Variants in TRIM17 observed in about 807,000 individuals in gnomAD.
The protein encoded by TRIM17 is tripartite motif containing 17.
TRIM17 carries 27 observed loss-of-function variants against 35.8 expected under a neutral mutation model. The ratio of observed to expected loss-of-function variants is 0.75; its 90% confidence interval spans 0.56 to 1.04. The LOEUF is 1.04. Ranked by LOEUF, TRIM17 falls within the 50% of genes least tolerant of loss-of-function variation. The probability of loss-of-function intolerance (pLI) is 0.00; values close to 1 mark genes in which losing one functional copy is unlikely to be tolerated. For synonymous variants in TRIM17, 246 were observed against 252.6 expected (o/e 0.97, Z 0.25); for missense variants, 582 against 612.8 (o/e 0.95, Z 0.53).
Position 228,414,783 on chromosome 1 carries a change from T to C in TRIM17, c.290A>G (p.Asp97Gly). 1 of 1,613,088 alleles carries C rather than the reference T, an allele frequency of 6.2e-7. No homozygotes were observed. The highest frequency in any genetic ancestry group is 8.5e-7 in the Non-Finnish European group (1 of 1,180,022). The change falls in exon 2 of 7, where the codon GAC becomes GGC. Residue 97 changes from aspartate to glycine, a missense_variant. Transcript: ENST00000366698. ...GGGCTCGTGGTGCTCCTGGCACAGG[T>C]CTTGCTTCTGCAGACCAGGATGCTG... ...AQQHPGLQKQ[D>G]LCQEHHEPLK...
Position 228,409,260 on chromosome 1 carries a change from A to G in TRIM17, c.795T>C (p.Ser265=). 3 of 1,613,288 alleles carry G rather than the reference A, an allele frequency of 1.9e-6. No homozygotes were observed. The highest frequency in any genetic ancestry group is 2.5e-6 in the Non-Finnish European group (3 of 1,179,626). Residue 265 remains serine, a synonymous_variant, in exon 6 of 7, where the codon AGT becomes AGC. Coordinates refer to ENST00000366698, the MANE Select transcript of TRIM17 (RefSeq NM_016102.4). Reference sequence around the variant, plus strand: ...GGGGGGCAACCTCTGGGCACTGCACACTCACGTTGTTCTTCCTCCGGTGGG... The same window carrying G: ...GGGGGGCAACCTCTGGGCACTGCACGCTCACGTTGTTCTTCCTCCGGTGGG... ...KEPLSRKNNV[S]VQCPEVAPPT... is the part of the protein sequence containing the mutation.
rs1656558706 is a variant in TRIM17, at chr1:228,408,379, C to T, written c.1256G>A (p.Gly419Asp). 1.2e-6 allele frequency: 2 copies of T among 1,614,036 alleles called. No homozygotes were observed. Among genetic ancestry groups the T allele is most frequent in the Non-Finnish European group, 8.5e-7 (1 of 1,180,004 alleles). The change falls in exon 7 of 7, where the codon GGC becomes GAC. Residue 419 changes from glycine (G) to aspartate (D), a missense_variant. Physicochemically the swap from Gly to Asp is moderately conservative, Grantham distance 94. Transcript: ENST00000366698. This position sits in a 1 kb window ranked among gnomAD's most constrained non-coding sequence, Gnocchi z 6.3. ...VMLMEPPSHMGIFLDFEAGEV... is the reference protein window; with the variant it reads ...VMLMEPPSHMDIFLDFEAGEV... The stretch of plus-strand genomic sequence containing the variant: ...CCCGGCTTCGAAGTCCAGGAAGATG[C>T]CCATGTGGCTGGGAGGCTCCATCAG...
In TRIM17 at chr1:228,415,012, CCA is replaced by C. The variant is rs1189104129; in HGVS notation, c.59_60del (p.Leu20ArgfsTer170). The C allele has an allele frequency of 6.2e-7, 1 of 1,612,348 alleles. No homozygotes were observed. The highest frequency in any genetic ancestry group is 8.5e-7 in the Non-Finnish European group (1 of 1,179,458). On this transcript the variant is annotated frameshift_variant, in exon 2 of 7. Transcript: ENST00000366698. LOFTEE classifies it high-confidence loss of function. ...GTCATCACAGGGTCTGTGAAGTAAT[CCA>C]GACAGATGGAGCACGTAGCTTCCTC... ...LQEEATCSIC[L>X]DYFTDPVMTT...
In TRIM17 at chr1:228,409,553, C is replaced by T; in HGVS notation, c.757-142G>A. ...CCCTTCCCACAATTGAGCTTCATGG[C>T]ACTCCTGAGCCTTCCCCACTGCCCT... is the stretch of plus-strand genomic sequence containing the variant. On this transcript the variant is annotated intron_variant, in intron 4 of 6. Transcript: ENST00000366698. The T allele has an allele frequency of 5.1e-6, 4 of 784,130 alleles. No individual in the cohort carries two copies. The South Asian group carries it at 8.7e-5, about 17-fold the overall frequency. 48.6% of individuals were successfully genotyped at this position (784,130 alleles called of 1,614,324 possible).
At position 228,408,042 on chromosome 1, in the gene TRIM17, A is replaced by G. The variant is rs1008651867; in HGVS notation, c.*159T>C. ...TCAGTATACCCTCTTAATGTTTGAC[A>G]GTTCTAATCACAATTATATTTAGAA... On this transcript the variant is annotated 3_prime_UTR_variant, in exon 7 of 7. Coordinates refer to ENST00000366698, the MANE Select transcript of TRIM17 (RefSeq NM_016102.4). The surrounding 1 kb of genome is among the most constrained non-coding windows in gnomAD (Gnocchi z 6.3). 1.7e-5 allele frequency: 11 copies of G among 636,596 alleles called. No homozygotes were observed. Among genetic ancestry groups the G allele is most frequent in the African/African-American group, 3.7e-5 (2 of 54,434 alleles). 39.4% of individuals were successfully genotyped at this position (636,596 alleles called of 1,614,324 possible).
rs761894895 is a variant in TRIM17, at chr1:228,415,093, C to A, written c.-21G>T. 4.4e-6 allele frequency: 7 copies of A among 1,586,154 alleles called. No homozygotes were observed. The African/African-American group carries it at 8.1e-5, about 18-fold the overall frequency. Reference sequence around the variant, plus strand: ...TCCATGGCTCCTGGGAGACACGAGGCAGGTTCCCGCTTGAGGGACTCTGGA... The same window carrying A: ...TCCATGGCTCCTGGGAGACACGAGGAAGGTTCCCGCTTGAGGGACTCTGGA... On this transcript the variant is annotated 5_prime_UTR_variant, in exon 2 of 7. Coordinates refer to ENST00000366698, the MANE Select transcript of TRIM17 (RefSeq NM_016102.4).
Position 228,408,853 on chromosome 1 carries a change from C to A in TRIM17, c.884-102G>T. On this transcript the variant is annotated intron_variant, in intron 6 of 6. Transcript: ENST00000366698. This position sits in a 1 kb window ranked among gnomAD's most constrained non-coding sequence, Gnocchi z 6.3. Reference sequence around the variant, plus strand: ...CTAGTGGTGGATGTGGCCAATGGTCCCCTAACTCCGCAGAGGCCTCCCCTG... The same window carrying A: ...CTAGTGGTGGATGTGGCCAATGGTCACCTAACTCCGCAGAGGCCTCCCCTG... 1 of 1,503,168 alleles carries A rather than the reference C, an allele frequency of 6.7e-7. No individual in the cohort carries two copies. The highest frequency in any genetic ancestry group is 8.9e-7 in the Non-Finnish European group (1 of 1,129,488). 93.1% of individuals were successfully genotyped at this position (1,503,168 alleles called of 1,614,324 possible). A position where few individuals can be genotyped will look rare whatever the true frequency, so the allele number is the denominator to read the frequency against.
intron 1 of TRIM17, chr1:228,415,662 C>A (rs772770857): frequency 3.3e-5 from 5 of 152,980 alleles, no homozygotes; most frequent in Non-Finnish European, 7.3e-5. Context: ...AAACCCCGTA[C>A]ACCAAAGGAA....
chr1:228,409,986 G>A (rs952133395), intron 4 of TRIM17, among the ~76,000 whole-genome samples: 4 of 152,108 alleles, frequency 2.6e-5, no homozygotes, highest in African/African-American at 7.2e-5. Context: ...TGCAGGTGGC[G>A]CGCTTGGCCC....
At chr1:228,414,573 T>G (rs1656974569) in intron 2 of TRIM17, 71 bp downstream of exon 2, 4 of 1,362,626 alleles carry the variant, frequency 2.9e-6, no homozygotes, top group South Asian at 1.2e-5. Context: ...CCCTCCCCCA[T>G]GATCTGGGTC....
At position 228,410,857 on chromosome 1, in the gene TRIM17, G is replaced by A. The variant is rs568834841; in HGVS notation, c.756+89C>T. 329 of 959,950 alleles carry A rather than the reference G, an allele frequency of 3.4e-4. 1 individual carries two copies. Among genetic ancestry groups the A allele is most frequent in the Non-Finnish European group, 4.4e-4 (294 of 670,414 alleles). The allele number at this position is 959,950 out of a possible 1,614,324, so 59.5% of individuals were successfully genotyped here. On this transcript the variant is annotated intron_variant, in intron 4 of 6. Transcript: ENST00000366698. The surrounding 1 kb of genome is among the most constrained non-coding windows in gnomAD (Gnocchi z 4.6). Reference sequence around the variant, plus strand: ...GACTGGGAGCTAACAGCCCTTTCCCGTTGGCTGCCTCTTCCCCAAGCCCAG... The same window carrying A: ...GACTGGGAGCTAACAGCCCTTTCCCATTGGCTGCCTCTTCCCCAAGCCCAG...
intron 1 of TRIM17, 56 bp from the exon 2 acceptor site, chr1:228,415,169 G>A (rs1423948270): frequency 4.4e-6 from 6 of 1,371,936 alleles, no homozygotes; most frequent in East Asian, 4.9e-5. Context: ...GTGTGCAACC[G>A]TCCTGTACAG....
intron 3 of TRIM17, among the ~76,000 whole-genome samples, chr1:228,412,838 G>C (rs1656859851): frequency 6.6e-6 from 1 of 152,064 alleles, no homozygotes; most frequent in South Asian, 2.1e-4. Context: ...CAGGCATTAG[G>C]ATTAAGGTTA....
At position 228,410,301 on chromosome 1, in the gene TRIM17, T is replaced by C. The variant is rs557557130; in HGVS notation, c.756+645A>G. Among the ~76,000 whole-genome samples the C allele has an allele frequency of 6.6e-6, 1 of 152,104 alleles. No homozygotes were observed. Among genetic ancestry groups the C allele is most frequent in the South Asian group, 2.1e-4 (1 of 4,820 alleles). The stretch of plus-strand genomic sequence containing the variant: ...TGTAGAGATGGCGTCTTATCAGCCG[T>C]AATCAAGCCCCCTCTCCAGGGCCAT... On this transcript the variant is annotated intron_variant, in intron 4 of 6. Coordinates refer to ENST00000366698, the MANE Select transcript of TRIM17 (RefSeq NM_016102.4). This position sits in a 1 kb window ranked among gnomAD's most constrained non-coding sequence, Gnocchi z 4.6.
chr1:228,409,478 C>T, intron 4 of TRIM17, 67 bp from the exon 5 acceptor site: 2 of 1,430,376 alleles, frequency 1.4e-6, no homozygotes, highest in Admixed American at 2.9e-5. Context: ...TGTCCCTGCT[C>T]CCTTCTTGTC....
rs771433459 is a variant in TRIM17, at chr1:228,410,989, T to TGCA, written c.710_712dup (p.Leu237dup). 3.7e-6 allele frequency: 6 copies of TGCA among 1,605,134 alleles called. No individual in the cohort carries two copies. The highest frequency in any genetic ancestry group is 2.2e-5 in the South Asian group (2 of 90,244). On this transcript the variant is annotated inframe_insertion, in exon 4 of 7. Coordinates refer to ENST00000366698, the MANE Select transcript of TRIM17 (RefSeq NM_016102.4). The surrounding 1 kb of genome is among the most constrained non-coding windows in gnomAD (Gnocchi z 4.6). ...CCCCTGTGTGCTCCGCTCCTCCAGCTGCAGCAGCAGCAGCTCCAGAGAGTG... is the reference window on the plus strand; with the variant it reads ...CCCCTGTGTGCTCCGCTCCTCCAGCTGCAGCAGCAGCAGCAGCTCCAGAGAGTG...
At position 228,408,257 on chromosome 1, in the gene TRIM17, C is replaced by A; in HGVS notation, c.1378G>T (p.Ala460Ser). 4 of 1,577,204 alleles carry A rather than the reference C, an allele frequency of 2.5e-6. No individual in the cohort carries two copies. Among genetic ancestry groups the A allele is most frequent in the Non-Finnish European group, 2.6e-6 (3 of 1,161,100 alleles). The change falls in exon 7 of 7, where the codon GCT becomes TCT. Residue 460 changes from alanine (A) to serine (S), a missense_variant. By Grantham distance (99) the Ala-to-Ser change is moderately conservative. Transcript: ENST00000366698. This position sits in a 1 kb window ranked among gnomAD's most constrained non-coding sequence, Gnocchi z 6.3. ...GPLQPFFCLG[A>S]PKSGQMVIST... Reference sequence around the variant, plus strand: ...ATGACCATCTGACCAGACTTCGGAGCCCCCAGGCAGAAGAAAGGCTGCAGG... The same window carrying A: ...ATGACCATCTGACCAGACTTCGGAGACCCCAGGCAGAAGAAAGGCTGCAGG...
rs1657020472 is a variant in TRIM17 at position 228,415,045 on chromosome 1, G to A, written c.28C>T (p.Leu10=). 1.2e-6 allele frequency: 2 copies of A among 1,606,066 alleles called. No homozygotes were observed. The highest frequency in any genetic ancestry group is 8.5e-7 in the Non-Finnish European group (1 of 1,174,364). The change falls in exon 2 of 7, where the codon CTG becomes TTG. Residue 10 remains leucine (L), a synonymous_variant. Transcript: ENST00000366698. MEAVELARK[L]QEEATCSICL... Reference sequence around the variant, plus strand: ...ATGGAGCACGTAGCTTCCTCCTGCAGTTTTCTGGCGAGTTCCACAGCCTCC... The same window carrying A: ...ATGGAGCACGTAGCTTCCTCCTGCAATTTTCTGGCGAGTTCCACAGCCTCC...
intron 3 of TRIM17, 25 bp downstream of exon 3, chr1:228,413,772 G>C: frequency 6.3e-7 from 1 of 1,585,424 alleles, no homozygotes; most frequent in Non-Finnish European, 8.7e-7. Context: ...AGCAGGAAAG[G>C]GACTGGACAG....
Sources: allele counts gnomAD v4.1 joint callset (sites outside exome capture counted in the v4.1 genomes callset), GRCh38; gene constraint gnomAD v4.1.1; non-coding constraint Gnocchi (gnomAD v3.1); transcripts MANE v1.5; gene names NCBI Gene and HGNC (gene_info 2026-07-23, HGNC 2026-07-21).